Variants in RABEP1 observed in about 807,000 individuals in gnomAD.
RABEP1 encodes rab GTPase-binding effector protein 1.
A neutral mutation model predicts 123.4 loss-of-function variants in RABEP1; 51 were observed. The ratio of observed to expected loss-of-function variants is 0.41; its 90% CI spans 0.33 to 0.52. The LOEUF (loss-of-function observed/expected upper bound fraction) is 0.52, where lower values mean the gene tolerates loss of function less well. RABEP1 is among the 20% of genes least tolerant of loss of function. The pLI is 0.16. For missense variants in RABEP1, 888 were observed against 996.3 expected, an observed-to-expected ratio of 0.89 and a Z score of 1.46; for synonymous variants, 347 against 355.2, an observed-to-expected ratio of 0.98 and a Z score of 0.26.
intron 1 of RABEP1, among the ~76,000 whole-genome samples, chr17:5,301,704 T>C (rs916386548): frequency 2.0e-5 from 3 of 152,064 alleles, no homozygotes; most frequent in Non-Finnish European, 4.4e-5. Flanking sequence ...AATAAATCAA[T>C]ATCAACCTCC....
At chr17:5,340,950 A>G (rs1455055627) in intron 5 of RABEP1, among the ~76,000 whole-genome samples, 1 of 148,704 alleles carries the variant, frequency 6.7e-6, no homozygotes, top group Non-Finnish European at 1.5e-5. Flanking sequence ...CTCCGTCTCA[A>G]AAAAAAAAAA....
chr17:5,308,321 G>T (rs2075200861), intron 1 of RABEP1, among the ~76,000 whole-genome samples: 1 of 151,794 alleles, frequency 6.6e-6, no homozygotes, highest in Admixed American at 6.6e-5. Context: ...CGCCTCCCGG[G>T]TTCAAGCGAT....
intron 17 of RABEP1, among the ~76,000 whole-genome samples, chr17:5,382,345 T>C (rs912136323): frequency 1.3e-5 from 2 of 150,232 alleles, no homozygotes; most frequent in African/African-American, 4.9e-5. Context: ...GCCTCCCAAA[T>C]TGCTGGGATT....
intron 2 of RABEP1, among the ~76,000 whole-genome samples, chr17:5,309,779 A>G (rs1005305292): frequency 3.9e-5 from 6 of 152,188 alleles, no homozygotes; most frequent in Non-Finnish European, 8.8e-5. Flanking sequence ...AATAATGTGA[A>G]TGTAGTTTCC....
Position 5,376,601 on chromosome 17 carries a change from A to G in RABEP1, c.2026-515A>G, listed in dbSNP as rs749892095. On this transcript the variant is annotated intron_variant, in intron 13 of 17. Coordinates refer to ENST00000537505, the MANE Select transcript of RABEP1 (RefSeq NM_004703.6). ...AAACAGCTTACCACCTTAGAAAGCCACCTTTGCCATTATTTACCTCTGGCC... is the reference window on the plus strand; with the variant it reads ...AAACAGCTTACCACCTTAGAAAGCCGCCTTTGCCATTATTTACCTCTGGCC... Among the ~76,000 whole-genome samples, 27 of 152,320 alleles carry G rather than the reference A, an allele frequency of 1.8e-4. 1 individual carries two copies. Among genetic ancestry groups the G allele is most frequent in the Non-Finnish European group, 1.6e-4 (11 of 68,016 alleles).
Position 5,386,286 on chromosome 17 carries a change from T to G in RABEP1, c.*3063T>G, listed in dbSNP as rs1401845729. ...TGTTCACCCCTGTAAAATTGTAAAG[T>G]CACTCACTTTTGGAATTATAATAAA... On this transcript the variant is annotated 3_prime_UTR_variant, in exon 18 of 18. Coordinates refer to ENST00000537505, the MANE Select transcript of RABEP1 (RefSeq NM_004703.6). 1.9e-6 allele frequency: 3 copies of G among 1,581,074 alleles called. No homozygotes were observed. The highest frequency in any genetic ancestry group is 1.8e-5 in the Admixed American group (1 of 56,596).
Position 5,363,120 on chromosome 17 carries a change from C to CAT in RABEP1, c.1668+107_1668+108dup, listed in dbSNP as rs2144681053. 4 of 795,810 alleles carry CAT rather than the reference C, an allele frequency of 5.0e-6. No individual in the cohort carries two copies. The African/African-American group carries it at 6.9e-5, about 14-fold the overall frequency. 49.3% of individuals were successfully genotyped at this position (795,810 alleles called of 1,614,324 possible). On this transcript the variant is annotated intron_variant, in intron 10 of 17. Transcript: ENST00000537505. ...CCCCAGCCCCATTTACATTATGAAG[C>CAT]ATATCCATCTTGTTAAGTTATGAAA...
rs532783126 is a variant in RABEP1 at position 5,362,624 on chromosome 17, C to A, written c.1564-288C>A. Among the ~76,000 whole-genome samples, 5 of 152,210 alleles carry A rather than the reference C, an allele frequency of 3.3e-5. No homozygotes were observed. The South Asian group carries it at 1.0e-3, about 32-fold the overall frequency. On this transcript the variant is annotated intron_variant, in intron 9 of 17. Coordinates refer to ENST00000537505, the MANE Select transcript of RABEP1 (RefSeq NM_004703.6). ...TTCCCTTTGGTTGTTTAGTATTATA[C>A]CATGAGTGCCATGGGATAGTACCTT...
chr17:5,341,922 A>G (rs181439278), intron 5 of RABEP1, among the ~76,000 whole-genome samples: 48 of 152,362 alleles, frequency 3.2e-4, no homozygotes, highest in Middle Eastern at 6.8e-3. Context: ...AAACATAGTT[A>G]AGGGTGAATA....
At position 5,381,679 on chromosome 17, in the gene RABEP1, C is replaced by A. The variant is rs75492252; in HGVS notation, c.2487+174C>A. 9.0e-4 allele frequency: 1,051 copies of A among 1,169,440 alleles called. 11 individuals are homozygous for A. The African/African-American group carries it at 0.016, about 18-fold the overall frequency. 72.4% of individuals were successfully genotyped at this position (1,169,440 alleles called of 1,614,324 possible). ...AGCCAGAAACCTGGTGTGTTCTTCA[C>A]ACTTGGCCCATTTTTCTTTTTCTGT... is the stretch of plus-strand genomic sequence containing the variant. On this transcript the variant is annotated intron_variant, in intron 17 of 17. Transcript: ENST00000537505.
chr17:5,381,924 G>A (rs1911501913), intron 17 of RABEP1, among the ~76,000 whole-genome samples: 1 of 152,074 alleles, frequency 6.6e-6, no homozygotes, highest in Non-Finnish European at 1.5e-5. Context: ...GCTCAGCGTA[G>A]GTCTGTCCCC....
chr17:5,294,773 G>A (rs56000278), intron 1 of RABEP1, among the ~76,000 whole-genome samples: 2 of 145,322 alleles, frequency 1.4e-5, no homozygotes, highest in African/African-American at 5.0e-5. Flanking sequence ...TCAGCCTCCC[G>A]AGTAGCTGGG....
At chr17:5,376,210 C>T (rs1014824552) in intron 13 of RABEP1, among the ~76,000 whole-genome samples, 1 of 152,164 alleles carries the variant, frequency 6.6e-6, no homozygotes, top group Non-Finnish European at 1.5e-5. Flanking sequence ...AATCCCAGCA[C>T]ATTGGGAGGT....
intron 4 of RABEP1, among the ~76,000 whole-genome samples, chr17:5,337,583 C>T (rs1489399480): frequency 3.3e-5 from 5 of 152,138 alleles, no homozygotes; most frequent in Non-Finnish European, 4.4e-5. Context: ...GTCCCAGTTA[C>T]TCGGGAGGCT....
chr17:5,322,776 A>T (rs1165079445), intron 2 of RABEP1, among the ~76,000 whole-genome samples: 2 of 152,154 alleles, frequency 1.3e-5, no homozygotes, highest in Non-Finnish European at 2.9e-5. Context: ...ATAACCAAGA[A>T]CAAAAGCCAT....
intron 3 of RABEP1, among the ~76,000 whole-genome samples, chr17:5,334,582 T>C (rs118155146): frequency 0.069 from 10,579 of 152,224 alleles, 512 homozygotes; most frequent in East Asian, 0.17. Flanking sequence ...GCCAGGCTTG[T>C]CTTGAAATCC....
chr17:5,368,479 A>AT lies in RABEP1; in HGVS notation c.1884+15dup, dbSNP rs771893996. On this transcript the variant is annotated intron_variant, in intron 12 of 17. Coordinates refer to ENST00000537505, the MANE Select transcript of RABEP1 (RefSeq NM_004703.6). The stretch of plus-strand genomic sequence containing the variant: ...GTTCAGGAACAGATGGTAAGTTTAC[A>AT]TTTTAAGTAAATGACAACTATGTTA... The AT allele has an allele frequency of 1.3e-6, 2 of 1,576,506 alleles. No homozygotes were observed. Among genetic ancestry groups the AT allele is most frequent in the Non-Finnish European group, 1.7e-6 (2 of 1,146,860 alleles).
At chr17:5,370,635 T>C (rs1567550227) in intron 12 of RABEP1, among the ~76,000 whole-genome samples, 2 of 152,236 alleles carry the variant, frequency 1.3e-5, no homozygotes, top group East Asian at 3.8e-4. Flanking sequence ...TGATTCAGGT[T>C]AGACATCTTG....
chr17:5,338,149 A>G lies in RABEP1; in HGVS notation c.648+11A>G, dbSNP rs1441528236. 1.2e-6 allele frequency: 2 copies of G among 1,604,980 alleles called. No individual in the cohort carries two copies. Among genetic ancestry groups the G allele is most frequent in the East Asian group, 2.2e-5 (1 of 44,684 alleles). ...CTGGAGGCCTCAAAGGTTATGAAAC[A>G]TTGTAATCCATTTGCTTGAAACCCA... is the stretch of plus-strand genomic sequence containing the variant. On this transcript the variant is annotated intron_variant, in intron 5 of 17. Transcript: ENST00000537505.
Sources: gnomAD v4.1 joint callset for allele counts (sites outside exome capture counted in the v4.1 genomes callset) on GRCh38, gnomAD v4.1.1 for gene constraint, MANE v1.5 for transcripts, NCBI Gene and HGNC (gene_info 2026-07-23, HGNC 2026-07-21) for gene names.